TESC: variants seen among roughly 807,000 people sequenced by gnomAD.
The protein encoded by TESC is calcineurin B homologous protein 3.
A neutral mutation model predicts 31.0 loss-of-function variants in TESC; 19 were observed. The observed-to-expected ratio is 0.61, with a 90% CI of 0.43 to 0.90. The LOEUF (loss-of-function observed/expected upper bound fraction) is 0.90. TESC is among the 40% of genes least tolerant of loss of function. TESC has a pLI of 0.00. For missense variants in TESC, 248 were observed against 303.8 expected (o/e 0.82, Z 1.36); for synonymous variants, 109 against 114.8 (o/e 0.95, Z 0.32).
rs1425487848 is a variant in TESC at position 117,060,818 on chromosome 12, G to A, written c.129-3932C>T. On this transcript the variant is annotated intron_variant, in intron 2 of 7. Coordinates refer to ENST00000335209, the MANE Select transcript of TESC (RefSeq NM_017899.4). ...ATCCGAATAGAATCCATTTTCCAAG[G>A]CCCAGATCCCTGAGAAAGGGACCAC... Among the ~76,000 whole-genome samples the A allele has an allele frequency of 2.6e-5, 4 of 152,196 alleles. No individual in the cohort carries two copies. In the East Asian group the frequency reaches 7.7e-4, roughly 29 times the overall value.
chr12:117,044,090 CTCT>C (rs1221900915), intron 6 of TESC, among the ~76,000 whole-genome samples: 3 of 152,186 alleles, frequency 2.0e-5, no homozygotes, highest in East Asian at 3.9e-4. Context: ...AGCAAAACAT[CTCT>C]TTTTTAAAAA....
At chr12:117,094,208 G>A (rs1955360894) in intron 1 of TESC, among the ~76,000 whole-genome samples, 1 of 152,114 alleles carries the variant, frequency 6.6e-6, no homozygotes, top group Admixed American at 6.5e-5. Context: ...GGGAATACTC[G>A]TTTCCGGTTT....
intron 4 of TESC, among the ~76,000 whole-genome samples, chr12:117,047,117 G>A (rs1954579861): frequency 6.6e-6 from 1 of 152,240 alleles, no homozygotes; most frequent in Non-Finnish European, 1.5e-5. Context: ...AGCTAGCGCT[G>A]TGGCGTTAGG....
In TESC at chr12:117,056,820, G is replaced by A. The variant is rs368043922; in HGVS notation, c.195C>T (p.Ala65=). The A allele has an allele frequency of 8.8e-5, 142 of 1,614,062 alleles. No homozygotes were observed. The African/African-American group carries it at 1.4e-3, about 16-fold the overall frequency. ...AAAACGCCCACCTGTTGTCGAAGAA[G>A]GCACGAACAATTTTGGATCGGATGG... ...LNPIRSKIVR[A]FFDNRNLRKG... is the part of the protein sequence containing the mutation. The change falls in exon 3 of 8, where the codon GCC becomes GCT. Residue 65 remains alanine, a synonymous_variant. Coordinates refer to ENST00000335209, the MANE Select transcript of TESC (RefSeq NM_017899.4).
At chr12:117,051,686 G>C (rs1954649658) in intron 3 of TESC, among the ~76,000 whole-genome samples, 1 of 152,150 alleles carries the variant, frequency 6.6e-6, no homozygotes, top group Non-Finnish European at 1.5e-5. Flanking sequence ...GATTAGCATG[G>C]GTGAAAATGT....
At chr12:117,040,768 C>T (rs1304600643) in intron 7 of TESC, among the ~76,000 whole-genome samples, 1 of 152,186 alleles carries the variant, frequency 6.6e-6, no homozygotes, top group Non-Finnish European at 1.5e-5. Flanking sequence ...CACAGCCAGG[C>T]CCTGCTGCCT....
chr12:117,082,321 T>C (rs1955159981), intron 1 of TESC, among the ~76,000 whole-genome samples: 1 of 152,030 alleles, frequency 6.6e-6, no homozygotes, highest in African/African-American at 2.4e-5. Context: ...CTGGCCAATG[T>C]GGTAAAACCC....
intron 1 of TESC, among the ~76,000 whole-genome samples, chr12:117,083,492 C>T (rs117297974): frequency 0.011 from 1,652 of 151,714 alleles, 20 homozygotes; most frequent in South Asian, 0.042. Flanking sequence ...ACAATCCAAA[C>T]GTCCATCAAC....
chr12:117,065,419 G>A (rs1273301751), intron 2 of TESC, among the ~76,000 whole-genome samples: 3 of 152,232 alleles, frequency 2.0e-5, no homozygotes, highest in African/African-American at 4.8e-5. Flanking sequence ...GGTGACCACT[G>A]CAGGGAACTG....
chr12:117,045,428 T>G (rs1954543615), intron 6 of TESC, among the ~76,000 whole-genome samples: 1 of 152,186 alleles, frequency 6.6e-6, no homozygotes, highest in South Asian at 2.1e-4. Context: ...GAGAGTGTAA[T>G]TAAATCAAAT....
At chr12:117,072,658 T>C (rs1029282836) in intron 2 of TESC, among the ~76,000 whole-genome samples, 1 of 152,226 alleles carries the variant, frequency 6.6e-6, no homozygotes, top group African/African-American at 2.4e-5. Context: ...GGCTGGGGGC[T>C]CCACTTGCTG....
intron 1 of TESC, among the ~76,000 whole-genome samples, chr12:117,081,820 C>T (rs2135792999): frequency 6.6e-6 from 1 of 152,198 alleles, no homozygotes; most frequent in East Asian, 1.9e-4. Context: ...AGGAGAATCA[C>T]TTGAACCTGG....
chr12:117,080,637 G>C (rs1277518438), intron 1 of TESC, among the ~76,000 whole-genome samples: 3 of 152,300 alleles, frequency 2.0e-5, no homozygotes, highest in Admixed American at 6.5e-5. Flanking sequence ...CAGTAACTGA[G>C]AGAAAGGATG....
At chr12:117,079,762 T>C (rs1359837543) in intron 1 of TESC, among the ~76,000 whole-genome samples, 2 of 152,178 alleles carry the variant, frequency 1.3e-5, no homozygotes, top group Non-Finnish European at 2.9e-5. Flanking sequence ...CAATGGGCAC[T>C]GGAGTTTCTT....
chr12:117,059,472 TCGG>T (rs1954772724), intron 2 of TESC, among the ~76,000 whole-genome samples: 1 of 152,166 alleles, frequency 6.6e-6, no homozygotes, highest in African/African-American at 2.4e-5. Context: ...GGAGGTAGAC[TCGG>T]GACAGCTGGC....
chr12:117,068,840 C>A (rs1954923190), intron 2 of TESC, among the ~76,000 whole-genome samples: 1 of 152,160 alleles, frequency 6.6e-6, no homozygotes, highest in East Asian at 1.9e-4. Context: ...CTATTTCTGG[C>A]ATTTATAAGC....
At chr12:117,077,283 G>A (rs1593016885) in intron 1 of TESC, among the ~76,000 whole-genome samples, 1 of 152,164 alleles carries the variant, frequency 6.6e-6, no homozygotes, top group South Asian at 2.1e-4. Context: ...TGTTACAGAT[G>A]TAGCCACTGA....
At chr12:117,098,981 G>A (rs997417570) in intron 1 of TESC, among the ~76,000 whole-genome samples, 16 of 152,126 alleles carry the variant, frequency 1.1e-4, no homozygotes, top group Non-Finnish European at 1.9e-4. Flanking sequence ...GCAGTCCCCC[G>A]GCCAGGGAGT....
chr12:117,075,976 T>C (rs1184384180), intron 1 of TESC, among the ~76,000 whole-genome samples: 23 of 123,382 alleles, frequency 1.9e-4, no homozygotes, highest in Non-Finnish European at 8.3e-5. Context: ...TGTATGTATA[T>C]ATATATATAT....
Sources: gnomAD v4.1 joint callset for allele counts (sites outside exome capture counted in the v4.1 genomes callset) on GRCh38, gnomAD v4.1.1 for gene constraint, MANE v1.5 for transcripts, NCBI Gene and HGNC (gene_info 2026-07-23, HGNC 2026-07-21) for gene names.